Variants in LYRM4 observed in about 807,000 individuals in gnomAD.
LYRM4 encodes LYR motif containing 4.
In LYRM4, 9 loss-of-function variants were observed where a neutral mutation model predicts 11.7. The observed-to-expected ratio is 0.77, with a 90% CI of 0.46 to 1.34. LYRM4 has a LOEUF of 1.34. LYRM4 is among the 40% of genes most tolerant of loss of function. The probability of loss-of-function intolerance (pLI) is 0.00; values close to 1 mark genes in which losing one functional copy is unlikely to be tolerated. For missense variants in LYRM4, 133 were observed against 112.5 expected, an observed-to-expected ratio of 1.18 and a Z score of -0.82; for synonymous variants, 42 against 40.4, an observed-to-expected ratio of 1.04 and a Z score of -0.15.
chr6:5,224,108 T>C (rs543641269), intron 1 of LYRM4, among the ~76,000 whole-genome samples: 1 of 152,338 alleles, frequency 6.6e-6, no homozygotes, highest in Admixed American at 6.5e-5. Flanking sequence ...CTTTTCCAGC[T>C]GGATTCTTGG....
At chr6:5,184,063 G>C (rs1760235592) in intron 2 of LYRM4, among the ~76,000 whole-genome samples, 1 of 152,052 alleles carries the variant, frequency 6.6e-6, no homozygotes, top group South Asian at 2.1e-4. Context: ...TAAAGAGTAA[G>C]AACCAAAAGT....
chr6:5,182,080 C>T (rs1309441774), intron 2 of LYRM4, among the ~76,000 whole-genome samples: 1 of 152,182 alleles, frequency 6.6e-6, no homozygotes, highest in Non-Finnish European at 1.5e-5. Flanking sequence ...ATGAACTTCG[C>T]CCATAATGAG....
At chr6:5,155,230 C>T (rs989020210) in intron 2 of LYRM4, among the ~76,000 whole-genome samples, 1 of 152,158 alleles carries the variant, frequency 6.6e-6, no homozygotes, top group South Asian at 2.1e-4. Flanking sequence ...TACAGGCATG[C>T]GCCACCGCCT....
At chr6:5,059,127 G>A in the LYRM4 span, among the ~76,000 whole-genome samples, 1 of 152,048 alleles carries the variant, frequency 6.6e-6, no homozygotes, top group African/African-American at 2.4e-5. Flanking sequence ...GATCCCTTGA[G>A]CCCCGGAGTT....
intron 2 of LYRM4, among the ~76,000 whole-genome samples, chr6:5,156,091 TAGG>T (rs1307208879): frequency 6.6e-6 from 1 of 152,210 alleles, no homozygotes; most frequent in African/African-American, 2.4e-5. Context: ...TTTGCCAAAA[TAGG>T]AGGCAAAGAG....
chr6:5,193,818 T>C (rs1760898687), intron 2 of LYRM4, among the ~76,000 whole-genome samples: 1 of 152,078 alleles, frequency 6.6e-6, no homozygotes, highest in African/African-American at 2.4e-5. Context: ...GAAAGGAGCA[T>C]ACTATGGATA....
the LYRM4 span, among the ~76,000 whole-genome samples, chr6:5,057,261 T>G: frequency 7.2e-5 from 11 of 152,152 alleles, no homozygotes; most frequent in African/African-American, 1.4e-4. Context: ...CCTAGCCTGC[T>G]GTCATTGCTA....
the LYRM4 span, among the ~76,000 whole-genome samples, chr6:5,057,188 C>G: frequency 6.6e-5 from 10 of 152,178 alleles, no homozygotes; most frequent in East Asian, 1.7e-3. Context: ...CAACCCAACC[C>G]CCCTTTCCCC....
chr6:5,079,005 C>G, the LYRM4 span, among the ~76,000 whole-genome samples: 1 of 152,140 alleles, frequency 6.6e-6, no homozygotes, highest in East Asian at 1.9e-4. Context: ...TTCCTCTATC[C>G]TCTTGGGTTC....
intron 2 of LYRM4, among the ~76,000 whole-genome samples, chr6:5,142,516 G>C (rs1441747681): frequency 6.6e-6 from 1 of 152,192 alleles, no homozygotes; most frequent in African/African-American, 2.4e-5. Context: ...AATAAATGAA[G>C]ATTGTTCTTT....
intron 2 of LYRM4, among the ~76,000 whole-genome samples, chr6:5,152,062 A>C (rs1217927228): frequency 6.6e-6 from 1 of 152,222 alleles, no homozygotes; most frequent in Admixed American, 6.5e-5. Context: ...TTGATGAATG[A>C]ATAAAAGAAT....
the LYRM4 span, among the ~76,000 whole-genome samples, chr6:5,091,989 CAG>C: frequency 1.3e-5 from 2 of 152,188 alleles, no homozygotes; most frequent in African/African-American, 4.8e-5. Context: ...TCATTTCCCA[CAG>C]AGTCGACAGC....
chr6:5,058,722 A>T, the LYRM4 span, among the ~76,000 whole-genome samples: 1 of 151,972 alleles, frequency 6.6e-6, no homozygotes, highest in Non-Finnish European at 1.5e-5. Context: ...TTCCTGTTTT[A>T]GCCATGCTTG....
intron 1 of LYRM4, among the ~76,000 whole-genome samples, chr6:5,245,146 ATATATATATATATATAT>A (rs1764130481): frequency 3.9e-5 from 4 of 103,328 alleles, no homozygotes; most frequent in Non-Finnish European, 6.0e-5. Flanking sequence ...ATATATATAT[ATATATATATATATATAT>A]AAAATAGGTG....
At chr6:5,049,527 G>T in the LYRM4 span, among the ~76,000 whole-genome samples, 1 of 152,182 alleles carries the variant, frequency 6.6e-6, no homozygotes, top group African/African-American at 2.4e-5. Context: ...GGCAGTTAAG[G>T]AACCCTTAAT....
intron 2 of LYRM4, among the ~76,000 whole-genome samples, chr6:5,189,062 C>T (rs1297578269): frequency 6.6e-6 from 1 of 152,178 alleles, no homozygotes; most frequent in Admixed American, 6.5e-5. Context: ...CATGTGGCTC[C>T]CACGGTGCCT....
At chr6:5,109,526 T>G (rs773215157) in intron 2 of LYRM4, 35 bp from the exon 3 acceptor site, 7 of 1,597,838 alleles carry the variant, frequency 4.4e-6, no homozygotes, top group Non-Finnish European at 6.0e-6. Flanking sequence ...TCAGGAACCG[T>G]GGCCCTCTAG....
intron 1 of LYRM4, 83 bp from the exon 2 acceptor site, chr6:5,216,821 T>G (rs1045355253): frequency 2.7e-6 from 4 of 1,503,104 alleles, no homozygotes; most frequent in Admixed American, 2.1e-5. Context: ...AGTTTTTCCT[T>G]TAGAATTAAC....
the LYRM4 span, among the ~76,000 whole-genome samples, chr6:5,035,387 C>T: frequency 5.3e-5 from 8 of 151,614 alleles, no homozygotes; most frequent in Non-Finnish European, 1.5e-5. Flanking sequence ...TCTGGACCCT[C>T]CCCTAGGGCA....
Sources: gnomAD v4.1 joint callset for allele counts (sites outside exome capture counted in the v4.1 genomes callset) on GRCh38, gnomAD v4.1.1 for gene constraint, MANE v1.5 for transcripts, NCBI Gene and HGNC (gene_info 2026-07-23, HGNC 2026-07-21) for gene names.